GMEB1: variants seen among roughly 807,000 people sequenced by gnomAD.
The protein encoded by GMEB1 is glucocorticoid modulatory element-binding protein 1.
In GMEB1, 6 loss-of-function variants were observed where a neutral mutation model predicts 52.4. The ratio of observed to expected loss-of-function variants is 0.11; its 90% CI spans 0.06 to 0.23. The LOEUF (loss-of-function observed/expected upper bound fraction) is 0.23. GMEB1 is among the 10% of genes least tolerant of loss of function. The pLI, the probability that GMEB1 is intolerant of heterozygous loss-of-function variation, is 1.00. For missense variants in GMEB1, 486 were observed against 685.6 expected (o/e 0.71, Z 3.25); for synonymous variants, 255 against 244.9 (o/e 1.04, Z -0.38).
chr1:28,688,151 C>T (rs74602823), intron 2 of GMEB1, among the ~76,000 whole-genome samples: 15 of 152,040 alleles, frequency 9.9e-5, no homozygotes, highest in Non-Finnish European at 1.9e-4. Context: ...AGCGTGGTGG[C>T]GCATGCCTGT....
chr1:28,696,755 G>A lies in GMEB1; in HGVS notation c.441-172G>A, dbSNP rs1670227758. Among the ~76,000 whole-genome samples, 6 of 152,058 alleles carry A rather than the reference G, an allele frequency of 3.9e-5. No homozygotes were observed. In the South Asian group the frequency reaches 1.2e-3, roughly 32 times the overall value. ...ACTGGTAAATGTGGGCAGGACCAGT[G>A]AAAATTTAAAGCCCCAATTAGAATT... is the stretch of plus-strand genomic sequence containing the variant. On this transcript the variant is annotated intron_variant, in intron 5 of 9. Transcript: ENST00000373816.
intron 5 of GMEB1, among the ~76,000 whole-genome samples, chr1:28,693,302 T>C (rs1670047764): frequency 6.6e-6 from 1 of 151,466 alleles, no homozygotes; most frequent in African/African-American, 2.4e-5. Flanking sequence ...CACTGCAACC[T>C]CCGCCTCCCG....
At chr1:28,700,797 A>G (rs1297784108) in intron 6 of GMEB1, among the ~76,000 whole-genome samples, 1 of 152,134 alleles carries the variant, frequency 6.6e-6, no homozygotes, top group Non-Finnish European at 1.5e-5. Context: ...AGTATAAAAT[A>G]TCTGGCGGTT....
At chr1:28,680,676 A>G (rs1255705788) in intron 1 of GMEB1, among the ~76,000 whole-genome samples, 1 of 151,870 alleles carries the variant, frequency 6.6e-6, no homozygotes, top group Non-Finnish European at 1.5e-5. Context: ...GGGAGGTGGT[A>G]GTGAGCTGAG....
chr1:28,672,522 C>T (rs1668941803), intron 1 of GMEB1, among the ~76,000 whole-genome samples: 1 of 151,568 alleles, frequency 6.6e-6, no homozygotes. Context: ...CACGCCCGGC[C>T]TACTTTTTTA....
chr1:28,682,150 G>T (rs1222070259), intron 1 of GMEB1, among the ~76,000 whole-genome samples: 1 of 152,112 alleles, frequency 6.6e-6, no homozygotes, highest in East Asian at 1.9e-4. Flanking sequence ...CTTTTCAACT[G>T]TGAAGACTAA....
At chr1:28,712,753 C>T (rs1160367667) in intron 9 of GMEB1, among the ~76,000 whole-genome samples, 1 of 151,680 alleles carries the variant, frequency 6.6e-6, no homozygotes, top group Admixed American at 6.6e-5. Flanking sequence ...AGGAGAATTG[C>T]TTGAACCTGG....
At position 28,687,592 on chromosome 1, in the gene GMEB1, A is replaced by G. The variant is rs564761589; in HGVS notation, c.129-2512A>G. Among the ~76,000 whole-genome samples, 6 of 152,170 alleles carry G rather than the reference A, an allele frequency of 3.9e-5. No homozygotes were observed. The South Asian group carries it at 1.2e-3, about 32-fold the overall frequency. ...TACAAAGGATTTGGAGCTTTATTTT[A>G]ACAATGAGGAGAGAGGGTGTTTGAG... On this transcript the variant is annotated intron_variant, in intron 2 of 9. Coordinates refer to ENST00000373816, the MANE Select transcript of GMEB1 (RefSeq NM_001319674.2).
At chr1:28,686,614 GT>G in intron 2 of GMEB1, among the ~76,000 whole-genome samples, 1 of 133,684 alleles carries the variant, frequency 7.5e-6, no homozygotes. Flanking sequence ...GGGTGACAGA[GT>G]GAGATTCTGT....
In GMEB1 at chr1:28,714,542, G is replaced by T; in HGVS notation, c.1461G>T (p.Leu487Phe). The T allele has an allele frequency of 1.9e-6, 3 of 1,614,210 alleles. No individual in the cohort carries two copies. The highest frequency in any genetic ancestry group is 1.1e-5 in the South Asian group (1 of 91,092). The stretch of plus-strand genomic sequence containing the variant: ...CCACCATGGTTAGCCCTGTGGAATT[G>T]GTGGCCATGGAGTCCGGCCTAACCT... The part of the protein sequence containing the change: ...NMTTMVSPVE[L>F]VAMESGLTSA... The change falls in exon 10 of 10, where the codon TTG becomes TTT. Residue 487 changes from leucine (L) to phenylalanine (F), a missense_variant. By Grantham distance (22) the Leu-to-Phe change is conservative. Around this residue, in one of 5 missense-constraint regions of GMEB1, gnomAD observed 153 missense variants for 200.8 expected, o/e 0.76. Transcript: ENST00000373816.
intron 5 of GMEB1, 142 bp from the exon 6 acceptor site, chr1:28,696,785 C>A: frequency 1.9e-6 from 1 of 535,334 alleles, no homozygotes; most frequent in Non-Finnish European, 3.1e-6. Context: ...AGAATTTTTG[C>A]AACCTAATGA....
chr1:28,668,252 C>CAA (rs1322250339), upstream of GMEB1, among the ~76,000 whole-genome samples: 1 of 151,236 alleles, frequency 6.6e-6, no homozygotes, highest in African/African-American at 2.4e-5. Flanking sequence ...GCAGGGGAGT[C>CAA]AAGACTTCAA....
chr1:28,714,208 C>T lies in GMEB1; in HGVS notation c.1127C>T (p.Ala376Val). The change falls in exon 10 of 10, where the codon GCC becomes GTC. Residue 376 changes from alanine to valine, a missense_variant. Physicochemically the swap from Ala to Val is moderately conservative, Grantham distance 64. Coordinates refer to ENST00000373816, the MANE Select transcript of GMEB1 (RefSeq NM_001319674.2). Reference protein sequence around the residue: ...PPKRPRLQRPASTTVLSPSPP... With the variant: ...PPKRPRLQRPVSTTVLSPSPP... ...AAAAGGCCCCGGCTCCAGCGGCCAG[C>T]CTCCACCACTGTCTTGAGCCCTTCT... 1 of 1,614,212 alleles carries T rather than the reference C, an allele frequency of 6.2e-7. No homozygotes were observed. The highest frequency in any genetic ancestry group is 8.5e-7 in the Non-Finnish European group (1 of 1,180,032).
At chr1:28,690,076 T>C in intron 2 of GMEB1, 28 bp from the exon 3 acceptor site, 1 of 1,534,018 alleles carries the variant, frequency 6.5e-7, no homozygotes, top group South Asian at 1.2e-5. Context: ...TTATGTAGTT[T>C]GTTTATCGAT....
chr1:28,680,562 C>CA (rs1336267546), intron 1 of GMEB1, among the ~76,000 whole-genome samples: 4 of 151,862 alleles, frequency 2.6e-5, no homozygotes, highest in Admixed American at 1.3e-4. Context: ...TGGTGAAACC[C>CA]AGTCTGTACT....
intron 7 of GMEB1, 68 bp from the exon 8 acceptor site, chr1:28,704,124 G>A (rs1248528510): frequency 3.0e-6 from 4 of 1,330,746 alleles, no homozygotes; most frequent in Admixed American, 2.3e-5. Flanking sequence ...ATTTAACGTT[G>A]TAGAGATTTG....
At chr1:28,672,019 G>C (rs1479362195) in intron 1 of GMEB1, among the ~76,000 whole-genome samples, 1 of 150,564 alleles carries the variant, frequency 6.6e-6, no homozygotes, top group Non-Finnish European at 1.5e-5. Flanking sequence ...TTGGGAGGCA[G>C]GAGAATTGCT....
chr1:28,696,382 CTT>C (rs1430309835), intron 5 of GMEB1, among the ~76,000 whole-genome samples: 1 of 152,042 alleles, frequency 6.6e-6, no homozygotes, highest in African/African-American at 2.4e-5. Flanking sequence ...ATACCTTTAA[CTT>C]TGAGTTTTGT....
intron 1 of GMEB1, among the ~76,000 whole-genome samples, chr1:28,672,860 C>A (rs1668962504): frequency 6.6e-6 from 1 of 151,290 alleles, no homozygotes; most frequent in African/African-American, 2.4e-5. Flanking sequence ...CTGCCTCAGC[C>A]TCCCGAGTAC....
Sources: gnomAD v4.1 joint callset for allele counts (sites outside exome capture counted in the v4.1 genomes callset) on GRCh38, gnomAD v4.1.1 for gene constraint, gnomAD v4.1.1 regional missense constraint, MANE v1.5 for transcripts, NCBI Gene and HGNC (gene_info 2026-07-23, HGNC 2026-07-21) for gene names.